HMCES: variants seen among roughly 807,000 people sequenced by gnomAD.
The protein encoded by HMCES is abasic site processing protein HMCES.
HMCES carries 27 observed loss-of-function variants against 35.1 expected under a neutral mutation model. The ratio of observed to expected loss-of-function variants is 0.77; its 90% CI spans 0.57 to 1.06. HMCES has a LOEUF of 1.06. HMCES is among the 50% of genes least tolerant of loss of function. HMCES has a pLI of 0.00. For missense variants in HMCES, 391 were observed against 430.4 expected (o/e 0.91, Z 0.81); for synonymous variants, 130 against 154.7 (o/e 0.84, Z 1.18).
In HMCES at chr3:129,298,455, C is replaced by G. The variant is rs763102193; in HGVS notation, c.555C>G (p.Pro185=). 7 of 1,613,998 alleles carry G rather than the reference C, an allele frequency of 4.3e-6. No individual in the cohort carries two copies. The Admixed American group carries it at 6.7e-5, about 15-fold the overall frequency. The change falls in exon 5 of 7, where the codon CCC becomes CCG. Residue 185 remains proline, a synonymous_variant. Coordinates refer to ENST00000383463, the MANE Select transcript of HMCES (RefSeq NM_020187.3). The part of the protein sequence containing the change: ...TMAGIFDCWE[P]PEGGDVLYSY... ...CCGGGATCTTTGACTGCTGGGAGCC[C>G]CCAGAGGGAGGAGATGTCCTGTATT...
chr3:129,299,730 C>A (rs530778127), intron 5 of HMCES, among the ~76,000 whole-genome samples: 1 of 145,812 alleles, frequency 6.9e-6, no homozygotes, highest in African/African-American at 2.5e-5. Context: ...CGGCTCACTG[C>A]AAGCTCTGCC....
chr3:129,290,951 C>G (rs928020390), intron 4 of HMCES, 147 bp downstream of exon 4: 10 of 720,808 alleles, frequency 1.4e-5, no homozygotes, highest in Admixed American at 9.0e-5. Flanking sequence ...GCCTGTGATC[C>G]CAGCACTTTG....
At chr3:129,290,126 G>A (rs1483271107) in intron 3 of HMCES, among the ~76,000 whole-genome samples, 4 of 149,366 alleles carry the variant, frequency 2.7e-5, no homozygotes, top group Non-Finnish European at 4.4e-5. Context: ...AGGAGGTGGA[G>A]CTTGCAGTGA....
intron 2 of HMCES, among the ~76,000 whole-genome samples, chr3:129,280,733 G>T (rs1293372786): frequency 6.6e-6 from 1 of 152,098 alleles, no homozygotes; most frequent in African/African-American, 2.4e-5. Flanking sequence ...AAGTTTAATT[G>T]CATTCATTGT....
At chr3:129,303,507 A>G (rs2071196691) in intron 6 of HMCES, among the ~76,000 whole-genome samples, 1 of 152,222 alleles carries the variant, frequency 6.6e-6, no homozygotes, top group East Asian at 1.9e-4. Flanking sequence ...GCTTGGGAAC[A>G]GAAGTGTTTT....
intron 3 of HMCES, 26 bp from the exon 4 acceptor site, chr3:129,290,653 C>A: frequency 6.2e-7 from 1 of 1,607,808 alleles, no homozygotes; most frequent in South Asian, 1.1e-5. Context: ...TCACTAAGAC[C>A]ATATCTTGCT....
At chr3:129,283,535 G>C (rs1314113396) in intron 2 of HMCES, among the ~76,000 whole-genome samples, 1 of 151,918 alleles carries the variant, frequency 6.6e-6, no homozygotes, top group East Asian at 1.9e-4. Flanking sequence ...CTGGTCTCAA[G>C]ACTCTTGAGC....
rs543708976 is a variant in HMCES, at chr3:129,298,816, C to T, written c.635+281C>T. On this transcript the variant is annotated intron_variant, in intron 5 of 6. Coordinates refer to ENST00000383463, the MANE Select transcript of HMCES (RefSeq NM_020187.3). ...TAATGGAAACCTAATAAAACAGTAG[C>T]ACTGTTTTATACATGTTAGGTGGTT... Among the ~76,000 whole-genome samples the T allele has an allele frequency of 2.0e-5, 3 of 152,206 alleles. No individual in the cohort carries two copies. The South Asian group carries it at 6.2e-4, about 32-fold the overall frequency.
At chr3:129,300,956 G>C (rs986652834) in intron 5 of HMCES, among the ~76,000 whole-genome samples, 2 of 151,802 alleles carry the variant, frequency 1.3e-5, no homozygotes, top group African/African-American at 2.4e-5. Flanking sequence ...GCGTGAACCC[G>C]GGAGGTGGAG....
intron 2 of HMCES, among the ~76,000 whole-genome samples, chr3:129,283,434 C>T (rs745339268): frequency 6.6e-6 from 1 of 150,958 alleles, no homozygotes; most frequent in Non-Finnish European, 1.5e-5. Flanking sequence ...CAGGCTCAAG[C>T]GATCCTGCTG....
In HMCES at chr3:129,279,282, A is replaced by C. The variant is rs1055947851; in HGVS notation, c.-24+377A>C. 1 of 172,946 alleles carries C rather than the reference A, an allele frequency of 5.8e-6. No homozygotes were observed. The highest frequency in any genetic ancestry group is 1.2e-5 in the Non-Finnish European group (1 of 80,940). 10.7% of individuals were successfully genotyped at this position (172,946 alleles called of 1,614,324 possible). A position where few individuals can be genotyped will look rare whatever the true frequency, so the allele number is the denominator to read the frequency against. ...TCTGCACCCCGGCCCCGGGCCGTCC[A>C]GTGGCCGCCCTCGAGGTGACCGGTT... On this transcript the variant is annotated intron_variant, in intron 1 of 6. Transcript: ENST00000383463. The surrounding 1 kb of genome is among the most constrained non-coding windows in gnomAD (Gnocchi z 4.2).
At chr3:129,297,798 G>A (rs1237970130) in intron 4 of HMCES, among the ~76,000 whole-genome samples, 3 of 152,076 alleles carry the variant, frequency 2.0e-5, no homozygotes, top group East Asian at 1.9e-4. Flanking sequence ...GAAATTGATC[G>A]ACTTACCTCT....
Position 129,290,745 on chromosome 3 carries a change from C to T in HMCES, c.394C>T (p.Gln132Ter), listed in dbSNP as rs770530737. The change falls in exon 4 of 7, where the codon CAG becomes TAG. Residue 132 changes from glutamine to a stop codon, truncating the protein, a stop_gained. Coordinates refer to ENST00000383463, the MANE Select transcript of HMCES (RefSeq NM_020187.3). LOFTEE classifies it high-confidence loss of function. ...TGGATTCTATGAGTGGCAGCGATGT[C>T]AGGGAACAAACCAGAGGCAGCCATA... is the stretch of plus-strand genomic sequence containing the variant. ...ADGFYEWQRC[Q>*]GTNQRQPYFI... The T allele has an allele frequency of 1.2e-6, 2 of 1,613,488 alleles. No individual in the cohort carries two copies. Among genetic ancestry groups the T allele is most frequent in the Admixed American group, 3.3e-5 (2 of 60,004 alleles).
In HMCES at chr3:129,292,030, C is replaced by T. The variant is rs552326551; in HGVS notation, c.453+1226C>T. On this transcript the variant is annotated intron_variant, in intron 4 of 6. Transcript: ENST00000383463. ...GGTGGAGGTTGCAGTGAGCTGAGGT[C>T]GTGCTACTGTACTCCAGCCTGAGTG... Among the ~76,000 whole-genome samples the T allele has an allele frequency of 3.3e-5, 5 of 151,868 alleles. No homozygotes were observed. In the South Asian group the frequency reaches 6.2e-4, roughly 19 times the overall value.
At chr3:129,287,847 C>T (rs1026432032) in intron 2 of HMCES, among the ~76,000 whole-genome samples, 1 of 152,082 alleles carries the variant, frequency 6.6e-6, no homozygotes, top group Non-Finnish European at 1.5e-5. Context: ...ATCACAAGGT[C>T]AGGAGTTCAA....
chr3:129,298,301 T>A, intron 4 of HMCES, 53 bp from the exon 5 acceptor site: 1 of 1,529,008 alleles, frequency 6.5e-7, no homozygotes, highest in Non-Finnish European at 9.1e-7. Context: ...CTAACCTGCA[T>A]GTAGAAGAAG....
chr3:129,298,662 C>G, intron 5 of HMCES, 127 bp downstream of exon 5: 1 of 758,404 alleles, frequency 1.3e-6, no homozygotes, highest in Non-Finnish European at 2.1e-6. Context: ...CAGTTTGACT[C>G]TAACATGACA....
chr3:129,281,798 G>T (rs889965639), intron 2 of HMCES, among the ~76,000 whole-genome samples: 4 of 151,730 alleles, frequency 2.6e-5, no homozygotes, highest in African/African-American at 9.7e-5. Flanking sequence ...GAGGTCACGA[G>T]TTTGAGATCA....
intron 2 of HMCES, 102 bp downstream of exon 2, chr3:129,280,017 C>T: frequency 2.0e-6 from 2 of 1,005,622 alleles, no homozygotes; most frequent in African/African-American, 1.7e-5. Flanking sequence ...CATTAAAAAC[C>T]AGCCTTTACT....
Sources: gnomAD v4.1 joint callset for allele counts (sites outside exome capture counted in the v4.1 genomes callset) on GRCh38, gnomAD v4.1.1 for gene constraint, Gnocchi (gnomAD v3.1) non-coding constraint, MANE v1.5 for transcripts, NCBI Gene and HGNC (gene_info 2026-07-23, HGNC 2026-07-21) for gene names.